Variants in AGBL4 observed in about 807,000 individuals in gnomAD.
AGBL4 encodes the protein cytosolic carboxypeptidase 6.
A neutral mutation model predicts 66.4 loss-of-function variants in AGBL4; 58 were observed. The ratio of observed to expected loss-of-function variants is 0.87; its 90% CI spans 0.71 to 1.09. AGBL4 has a LOEUF of 1.09. Ranked by LOEUF, AGBL4 falls within the 50% of genes least tolerant of loss-of-function variation. AGBL4 has a pLI of 0.00. For missense variants in AGBL4, 579 were observed against 631.0 expected (o/e 0.92, Z 0.88); for synonymous variants, 234 against 222.9 (o/e 1.05, Z -0.44).
intron 6 of AGBL4, among the ~76,000 whole-genome samples, chr1:48,843,551 CT>C (rs1646851028): frequency 6.6e-6 from 1 of 152,024 alleles, no homozygotes; most frequent in African/African-American, 2.4e-5. Context: ...AGAAGAATAT[CT>C]TATGACATAT....
intron 2 of AGBL4, among the ~76,000 whole-genome samples, chr1:49,823,949 G>T (rs970816060): frequency 1.3e-5 from 2 of 152,068 alleles, no homozygotes; most frequent in Non-Finnish European, 2.9e-5. Flanking sequence ...AGTGGCTCAA[G>T]CCTGTAATCC....
rs80111918 is a variant in AGBL4, at chr1:49,837,113, C to G, written c.157+14283G>C. 6.8e-3 allele frequency among the ~76,000 whole-genome samples: 1,041 copies of G among 152,326 alleles called. 8 individuals are homozygous for G. The highest frequency in any genetic ancestry group is 0.01 in the Non-Finnish European group (702 of 68,032). ...GGAGGATCCACTGCTATCTTCAGAG[C>G]CTGCAAGCAGGAACGTTTGAGTCTG... On this transcript the variant is annotated intron_variant, in intron 2 of 13. Coordinates refer to ENST00000371839, the MANE Select transcript of AGBL4 (RefSeq NM_032785.4).
At chr1:49,541,957 C>A (rs764069450) in intron 3 of AGBL4, among the ~76,000 whole-genome samples, 1 of 152,254 alleles carries the variant, frequency 6.6e-6, no homozygotes, top group South Asian at 2.1e-4. Flanking sequence ...TGTAAATACA[C>A]CAATCAGCAC....
At chr1:49,978,674 A>T (rs1658787890) in intron 1 of AGBL4, among the ~76,000 whole-genome samples, 1 of 152,246 alleles carries the variant, frequency 6.6e-6, no homozygotes, top group Non-Finnish European at 1.5e-5. Context: ...ATGAACACAC[A>T]TATACCATTT....
At chr1:48,878,402 C>G (rs948903890) in intron 5 of AGBL4, among the ~76,000 whole-genome samples, 5 of 152,130 alleles carry the variant, frequency 3.3e-5, no homozygotes, top group East Asian at 1.9e-4. Flanking sequence ...CTGAACTTAC[C>G]TCTGCCATAC....
At chr1:48,806,243 C>T (rs879503473) in intron 6 of AGBL4, among the ~76,000 whole-genome samples, 15 of 152,072 alleles carry the variant, frequency 9.9e-5, no homozygotes, top group Admixed American at 2.0e-4. Context: ...TGAATATTTG[C>T]CCTGTACTAA....
intron 3 of AGBL4, among the ~76,000 whole-genome samples, chr1:49,652,829 G>A (rs1646036090): frequency 1.3e-5 from 2 of 152,288 alleles, no homozygotes; most frequent in South Asian, 2.1e-4. Context: ...ATATCCCTGA[G>A]AGAAGCTCCT....
intron 3 of AGBL4, among the ~76,000 whole-genome samples, chr1:49,482,300 A>G (rs1296892225): frequency 6.6e-6 from 1 of 152,030 alleles, no homozygotes; most frequent in African/African-American, 2.4e-5. Flanking sequence ...TAGGCTCTTC[A>G]TTACTGCCTC....
intron 4 of AGBL4, among the ~76,000 whole-genome samples, chr1:49,221,411 T>C (rs1233468178): frequency 6.6e-6 from 1 of 152,124 alleles, no homozygotes; most frequent in Non-Finnish European, 1.5e-5. Context: ...AACTACAAGA[T>C]AGTACTCTCC....
intron 4 of AGBL4, among the ~76,000 whole-genome samples, chr1:49,087,036 G>GAA (rs113009966): frequency 2.9e-4 from 41 of 139,148 alleles, no homozygotes; most frequent in African/African-American, 9.8e-4. Flanking sequence ...GAAGGTAAAA[G>GAA]AAAAAAAAAA....
At chr1:48,988,970 T>C (rs1321196611) in intron 5 of AGBL4, among the ~76,000 whole-genome samples, 1 of 152,156 alleles carries the variant, frequency 6.6e-6, no homozygotes, top group Non-Finnish European at 1.5e-5. Flanking sequence ...GGGCTACTTA[T>C]TTAGTCTAAG....
At chr1:49,076,155 G>T (rs11205596) in intron 4 of AGBL4, among the ~76,000 whole-genome samples, 6,824 of 152,156 alleles carry the variant, frequency 0.045, 488 homozygotes, top group East Asian at 0.33. Context: ...ATGCCTCAAA[G>T]AAACAAAATA....
intron 6 of AGBL4, among the ~76,000 whole-genome samples, chr1:48,791,032 G>A (rs1225963878): frequency 1.3e-5 from 2 of 151,992 alleles, no homozygotes; most frequent in Admixed American, 6.6e-5. Context: ...TTAACTTCCC[G>A]GCCTCCAGAA....
rs189026517 is a variant in AGBL4, at chr1:49,410,466, C to G, written c.283-164602G>C. Among the ~76,000 whole-genome samples the G allele has an allele frequency of 6.6e-4, 101 of 152,216 alleles. 1 individual carries two copies. Among genetic ancestry groups the G allele is most frequent in the Non-Finnish European group, 8.8e-5 (6 of 68,012 alleles). ...GGTCAGCAGGGGTTGTGGAAGGGAG[C>G]ATTTTAACAGCTCTATGAGATGAAT... On this transcript the variant is annotated intron_variant, in intron 3 of 13. Coordinates refer to ENST00000371839, the MANE Select transcript of AGBL4 (RefSeq NM_032785.4).
At chr1:49,519,695 G>A (rs1330453800) in intron 3 of AGBL4, among the ~76,000 whole-genome samples, 2 of 152,012 alleles carry the variant, frequency 1.3e-5, no homozygotes, top group Non-Finnish European at 2.9e-5. Context: ...AAAACACAAT[G>A]TGAAAACAAC....
chr1:49,429,644 G>A (rs1468317556), intron 3 of AGBL4, among the ~76,000 whole-genome samples: 1 of 151,894 alleles, frequency 6.6e-6, no homozygotes, highest in Non-Finnish European at 1.5e-5. Flanking sequence ...CTCCCTACAT[G>A]ATTTTTTAAA....
At chr1:49,611,334 C>T (rs972212249) in intron 3 of AGBL4, among the ~76,000 whole-genome samples, 6 of 150,272 alleles carry the variant, frequency 4.0e-5, no homozygotes, top group Non-Finnish European at 5.9e-5. Flanking sequence ...ATCTAAAACA[C>T]GGTGAATAGC....
chr1:49,267,765 T>C (rs1643957317), intron 3 of AGBL4, among the ~76,000 whole-genome samples: 1 of 151,966 alleles, frequency 6.6e-6, no homozygotes, highest in African/African-American at 2.4e-5. Flanking sequence ...CTGGGAGGCC[T>C]CACAATCATG....
At chr1:49,806,783 T>C (rs745398577) in intron 2 of AGBL4, among the ~76,000 whole-genome samples, 1 of 152,092 alleles carries the variant, frequency 6.6e-6, no homozygotes, top group East Asian at 1.9e-4. Context: ...AAAGGGGCCA[T>C]AGGTGCCCAC....
Sources: gnomAD v4.1 joint callset for allele counts (sites outside exome capture counted in the v4.1 genomes callset) on GRCh38, gnomAD v4.1.1 for gene constraint, MANE v1.5 for transcripts, NCBI Gene and HGNC (gene_info 2026-07-23, HGNC 2026-07-21) for gene names.